Variants in EPS8 observed in about 807,000 individuals in gnomAD.
EPS8 encodes the protein epidermal growth factor receptor kinase substrate 8.
A neutral mutation model predicts 103.8 loss-of-function variants in EPS8; 42 were observed. That is an observed-to-expected ratio of 0.40 (90% confidence interval 0.32 to 0.52). The LOEUF (loss-of-function observed/expected upper bound fraction) is 0.52. Among genes scored for constraint, EPS8 ranks in the 20% least tolerant of loss-of-function variants. The probability of loss-of-function intolerance (pLI) is 0.40; values close to 1 mark genes in which losing one functional copy is unlikely to be tolerated. For missense variants in EPS8, 969 were observed against 1,005.1 expected (o/e 0.96, Z 0.49); for synonymous variants, 344 against 344.6 (o/e 1.00, Z 0.02).
rs1946987915 is a variant in EPS8, at chr12:15,756,523, C to A, written c.-22+32638G>T. Among the ~76,000 whole-genome samples, 5 of 152,208 alleles carry A rather than the reference C, an allele frequency of 3.3e-5. 1 individual carries two copies. The South Asian group carries it at 1.0e-3, about 32-fold the overall frequency. ...GCTCTATATAGTTACCTTTGATCCA[C>A]TTTTTTTCATAAGCATGCAACCAGT... On this transcript the variant is annotated intron_variant, in intron 1 of 20. Coordinates refer to ENST00000281172, the MANE Select transcript of EPS8 (RefSeq NM_004447.6).
rs1027695409 is a variant in EPS8 at position 15,757,631 on chromosome 12, G to GA, written c.-22+31529dup. Among the ~76,000 whole-genome samples the GA allele has an allele frequency of 1.2e-4, 18 of 144,294 alleles. No individual in the cohort carries two copies. The highest frequency in any genetic ancestry group is 1.7e-4 in the Non-Finnish European group (11 of 65,550). 94.7% of individuals were successfully genotyped at this position (144,294 alleles called of 152,430 possible). A position where few individuals can be genotyped will look rare whatever the true frequency, so the allele number is the denominator to read the frequency against. On this transcript the variant is annotated intron_variant, in intron 1 of 20. Coordinates refer to ENST00000281172, the MANE Select transcript of EPS8 (RefSeq NM_004447.6). This position sits in a 1 kb window ranked among gnomAD's most constrained non-coding sequence, Gnocchi z 4.1. Reference sequence around the variant, plus strand: ...GCAACAGAGCGAGACTCCGTCTGAAGAAAAAAAAAAGAAAAAGAAAAAGAA... The same window carrying GA: ...GCAACAGAGCGAGACTCCGTCTGAAGAAAAAAAAAAAGAAAAAGAAAAAGAA...
intron 1 of EPS8, among the ~76,000 whole-genome samples, chr12:15,737,803 T>C (rs191230272): frequency 5.3e-5 from 8 of 152,258 alleles, no homozygotes; most frequent in Non-Finnish European, 1.0e-4. Context: ...TATTATTAAA[T>C]CTGTTTCAAC....
intron 1 of EPS8, among the ~76,000 whole-genome samples, chr12:15,703,148 AAAAAATAAATAAAAAT>A (rs1312097436): frequency 5.5e-4 from 84 of 152,354 alleles, no homozygotes; most frequent in African/African-American, 1.9e-3. Context: ...ACTCCGTCTC[AAAAAATAAATAAAAAT>A]AAAAATAAAT....
chr12:15,729,396 G>A (rs962056964), intron 1 of EPS8, among the ~76,000 whole-genome samples: 1 of 151,980 alleles, frequency 6.6e-6, no homozygotes, highest in African/African-American at 2.4e-5. Context: ...TTCTGCATAT[G>A]TTACACCTTT....
At chr12:15,626,627 C>CAAA (rs771173535) in intron 18 of EPS8, among the ~76,000 whole-genome samples, 6 of 61,304 alleles carry the variant, frequency 9.8e-5, no homozygotes, top group Non-Finnish European at 1.6e-4. Context: ...GACTCCGTCT[C>CAAA]AAAAAAAAAA....
In EPS8 at chr12:15,759,163, TC is replaced by T. The variant is rs1947017174; in HGVS notation, c.-22+29997del. On this transcript the variant is annotated intron_variant, in intron 1 of 20. Coordinates refer to ENST00000281172, the MANE Select transcript of EPS8 (RefSeq NM_004447.6). This position sits in a 1 kb window ranked among gnomAD's most constrained non-coding sequence, Gnocchi z 4.9. Reference sequence around the variant, plus strand: ...TGGTATTGTTATATCCCCTATGTTTTCTTTTGGATTTCATAATTGCCAACAG... The same window carrying T: ...TGGTATTGTTATATCCCCTATGTTTTTTTTGGATTTCATAATTGCCAACAG... 6.6e-6 allele frequency among the ~76,000 whole-genome samples: 1 copy of T among 152,158 alleles called. No homozygotes were observed. Among genetic ancestry groups the T allele is most frequent in the African/African-American group, 2.4e-5 (1 of 41,460 alleles).
intron 1 of EPS8, among the ~76,000 whole-genome samples, chr12:15,708,653 G>A (rs977651740): frequency 3.3e-5 from 5 of 152,120 alleles, no homozygotes; most frequent in African/African-American, 7.2e-5. Context: ...GTGAAATCAC[G>A]CATAAGCAAA....
chr12:15,718,855 T>G (rs1344690902), intron 1 of EPS8, among the ~76,000 whole-genome samples: 1 of 152,070 alleles, frequency 6.6e-6, no homozygotes, highest in Non-Finnish European at 1.5e-5. Context: ...TGCTTCCGGG[T>G]TCTTAAGTGC....
rs143091473 is a variant in EPS8 at position 15,706,827 on chromosome 12, G to A, written c.-21-23855C>T. Among the ~76,000 whole-genome samples, 336 of 151,870 alleles carry A rather than the reference G, an allele frequency of 2.2e-3. No homozygotes were observed. The highest frequency in any genetic ancestry group is 3.4e-3 in the Non-Finnish European group (234 of 67,970). On this transcript the variant is annotated intron_variant, in intron 1 of 20. Coordinates refer to ENST00000281172, the MANE Select transcript of EPS8 (RefSeq NM_004447.6). The surrounding 1 kb of genome is among the most constrained non-coding windows in gnomAD (Gnocchi z 5.2). ...CTCCAACCTACTCTATTGTCTATGT[G>A]TACAAGTTTTTTTTCTATTTTACAT...
chr12:15,715,163 C>G (rs73054950), intron 1 of EPS8, among the ~76,000 whole-genome samples: 1 of 152,126 alleles, frequency 6.6e-6, no homozygotes, highest in Non-Finnish European at 1.5e-5. Flanking sequence ...CCCAGGGAAG[C>G]CCACATCCAA....
chr12:15,726,050 G>C (rs1052375858), intron 1 of EPS8, among the ~76,000 whole-genome samples: 1 of 152,138 alleles, frequency 6.6e-6, no homozygotes, highest in African/African-American at 2.4e-5. Context: ...ATGATGGCTA[G>C]TTATCAGTCA....
chr12:15,673,897 T>G (rs535203595), intron 3 of EPS8, among the ~76,000 whole-genome samples: 85 of 152,348 alleles, frequency 5.6e-4, no homozygotes, highest in Non-Finnish European at 9.9e-4. Context: ...TACTTGGCTA[T>G]AGAACCACTG....
At chr12:15,667,993 A>G (rs985908756) in intron 6 of EPS8, among the ~76,000 whole-genome samples, 2 of 152,170 alleles carry the variant, frequency 1.3e-5, no homozygotes, top group African/African-American at 4.8e-5. Flanking sequence ...GCTTTTTAGA[A>G]CACAGATACA....
rs559283579 is a variant in EPS8, at chr12:15,650,923, A to G, written c.1334T>C (p.Met445Thr). ...NGWEPPMLNF[M>T]GATMEQDLYQ... Reference sequence around the variant, plus strand: ...AAGATCTTGTTCCATTGTGGCTCCCATAAAGTTCAGCATTGGGGGCTCCCA... The same window carrying G: ...AAGATCTTGTTCCATTGTGGCTCCCGTAAAGTTCAGCATTGGGGGCTCCCA... The change falls in exon 14 of 21, where the codon ATG becomes ACG. Residue 445 changes from methionine to threonine, a missense_variant. Met to Thr is a moderately conservative substitution (Grantham distance 81). Transcript: ENST00000281172. The G allele has an allele frequency of 2.5e-6, 4 of 1,614,006 alleles. No individual in the cohort carries two copies. The highest frequency in any genetic ancestry group is 3.4e-6 in the Non-Finnish European group (4 of 1,179,992).
At chr12:15,708,326 T>C (rs1946415799) in intron 1 of EPS8, among the ~76,000 whole-genome samples, 1 of 152,182 alleles carries the variant, frequency 6.6e-6, no homozygotes, top group African/African-American at 2.4e-5. Flanking sequence ...ACATAATCCA[T>C]GTTAAGCACT....
At position 15,714,699 on chromosome 12, in the gene EPS8, T is replaced by C. The variant is rs1946509041; in HGVS notation, c.-21-31727A>G. 1.3e-5 allele frequency among the ~76,000 whole-genome samples: 2 copies of C among 152,208 alleles called. No individual in the cohort carries two copies. The highest frequency in any genetic ancestry group is 1.9e-4 in the East Asian group (1 of 5,200). On this transcript the variant is annotated intron_variant, in intron 1 of 20. Transcript: ENST00000281172. The surrounding 1 kb of genome is among the most constrained non-coding windows in gnomAD (Gnocchi z 4.1). ...GCTGCTTGTTGCCAGTGCAGTATTCTTGGGGCAAATGGGAAATGGGTAAAA... is the reference window on the plus strand; with the variant it reads ...GCTGCTTGTTGCCAGTGCAGTATTCCTGGGGCAAATGGGAAATGGGTAAAA...
At chr12:15,669,899 A>C in intron 4 of EPS8, 74 bp from the exon 5 acceptor site, 1 of 1,130,296 alleles carries the variant, frequency 8.8e-7, no homozygotes, top group Non-Finnish European at 1.2e-6. Context: ...ACATTTTCCA[A>C]AAGAAAATCA....
rs186521619 is a variant in EPS8 at position 15,737,712 on chromosome 12, C to A, written c.-22+51449G>T. On this transcript the variant is annotated intron_variant, in intron 1 of 20. Coordinates refer to ENST00000281172, the MANE Select transcript of EPS8 (RefSeq NM_004447.6). ...GCCCATGATGCTAACTATTATATAC[C>A]CAAATATTAAAAACTTAATGATGCT... Among the ~76,000 whole-genome samples the A allele has an allele frequency of 2.1e-3, 322 of 152,204 alleles. 1 individual carries two copies. The highest frequency in any genetic ancestry group is 3.9e-3 in the Non-Finnish European group (264 of 67,970).
chr12:15,750,269 T>G (rs1014179694), intron 1 of EPS8, among the ~76,000 whole-genome samples: 1 of 152,168 alleles, frequency 6.6e-6, no homozygotes, highest in Non-Finnish European at 1.5e-5. Context: ...CAGACATACA[T>G]GCACATGCAC....
Sources: gnomAD v4.1 joint callset for allele counts (sites outside exome capture counted in the v4.1 genomes callset) on GRCh38, gnomAD v4.1.1 for gene constraint, Gnocchi (gnomAD v3.1) non-coding constraint, MANE v1.5 for transcripts, NCBI Gene and HGNC (gene_info 2026-07-23, HGNC 2026-07-21) for gene names.